MMS22L: variants seen among roughly 807,000 people sequenced by gnomAD.
MMS22L encodes MMS22 like, DNA repair protein, also known as protein MMS22-like.
MMS22L carries 74 observed loss-of-function variants against 159.1 expected under a neutral mutation model. That is an observed-to-expected ratio of 0.47 (90% confidence interval 0.39 to 0.56). The LOEUF is 0.56. Among genes scored for constraint, MMS22L ranks in the 20% least tolerant of loss-of-function variants. The pLI, the probability that MMS22L is intolerant of heterozygous loss-of-function variation, is 0.00. For missense variants in MMS22L, 1,351 were observed against 1,422.1 expected (o/e 0.95, Z 0.80); for synonymous variants, 517 against 506.9 (o/e 1.02, Z -0.27).
rs143539522 is a variant in MMS22L, at chr6:97,167,325, G to C, written c.3009+746C>G. Among the ~76,000 whole-genome samples the C allele has an allele frequency of 8.4e-4, 128 of 152,194 alleles. 1 individual carries two copies. The highest frequency in any genetic ancestry group is 2.8e-3 in the African/African-American group (117 of 41,530). On this transcript the variant is annotated intron_variant, in intron 20 of 24. Coordinates refer to ENST00000683635, the MANE Select transcript of MMS22L (RefSeq NM_001350599.2). Reference sequence around the variant, plus strand: ...TGAGTTCCTCCACAACACTCAATTAGCAAGTACTCTTAATCACAGCTCCCA... The same window carrying C: ...TGAGTTCCTCCACAACACTCAATTACCAAGTACTCTTAATCACAGCTCCCA...
intron 14 of MMS22L, among the ~76,000 whole-genome samples, chr6:97,223,775 G>A (rs1809912544): frequency 6.6e-6 from 1 of 152,118 alleles, no homozygotes; most frequent in Non-Finnish European, 1.5e-5. Context: ...CCTTGGAAAT[G>A]CTAAAAACTG....
rs1582437041 is a variant in MMS22L, at chr6:97,168,309, A to G, written c.2840-69T>C. 4.1e-6 allele frequency: 6 copies of G among 1,463,160 alleles called. No homozygotes were observed. The East Asian group carries it at 1.4e-4, about 34-fold the overall frequency. 90.6% of individuals were successfully genotyped at this position (1,463,160 alleles called of 1,614,324 possible). On this transcript the variant is annotated intron_variant, in intron 19 of 24. Coordinates refer to ENST00000683635, the MANE Select transcript of MMS22L (RefSeq NM_001350599.2). Reference sequence around the variant, plus strand: ...ACCAGAACATTTTGTCACTTAATTTAAAAATTTGTATTGAAAGCACATGGG... The same window carrying G: ...ACCAGAACATTTTGTCACTTAATTTGAAAATTTGTATTGAAAGCACATGGG...
chr6:97,213,811 G>A (rs1208392739), intron 14 of MMS22L, among the ~76,000 whole-genome samples: 1 of 152,026 alleles, frequency 6.6e-6, no homozygotes, highest in East Asian at 1.9e-4. Flanking sequence ...ATACTAACAA[G>A]CATAGAAAAA....
At chr6:97,233,233 G>A (rs968642346) in intron 12 of MMS22L, among the ~76,000 whole-genome samples, 13 of 152,020 alleles carry the variant, frequency 8.6e-5, no homozygotes, top group Non-Finnish European at 1.9e-4. Context: ...AGTTATCCGA[G>A]GCCTATAATT....
intron 14 of MMS22L, among the ~76,000 whole-genome samples, chr6:97,191,489 A>C (rs895345147): frequency 1.7e-4 from 25 of 150,886 alleles, no homozygotes; most frequent in African/African-American, 6.0e-4. Flanking sequence ...ACTTTTCATC[A>C]CATGGAAAAA....
In MMS22L at chr6:97,280,377, A is replaced by G. The variant is rs188548658; in HGVS notation, c.290+860T>C. 3.1e-3 allele frequency among the ~76,000 whole-genome samples: 472 copies of G among 152,172 alleles called. 4 individuals carry two copies. Among genetic ancestry groups the G allele is most frequent in the African/African-American group, 0.011 (454 of 41,516 alleles). ...GAGACAGAGTCTCGCTCTGTCACCC[A>G]GGCTGGAGTACAGTGGGCAATCTCA... On this transcript the variant is annotated intron_variant, in intron 3 of 24. Coordinates refer to ENST00000683635, the MANE Select transcript of MMS22L (RefSeq NM_001350599.2).
Position 97,178,556 on chromosome 6 carries a change from G to A in MMS22L, c.2566C>T (p.Leu856=). 1 of 1,551,122 alleles carries A rather than the reference G, an allele frequency of 6.4e-7. No homozygotes were observed. Among genetic ancestry groups the A allele is most frequent in the Non-Finnish European group, 8.8e-7 (1 of 1,135,238 alleles). Reference sequence around the variant, plus strand: ...GAGAGATTAAATAGTAATCTTGTCAGTTTGACCAACTGTTTCATGTACTCT... The same window carrying A: ...GAGAGATTAAATAGTAATCTTGTCAATTTGACCAACTGTTTCATGTACTCT... ...EKEYMKQLVK[L]TRLLFNLSEV... Residue 856 remains leucine (L), a synonymous_variant, in exon 18 of 25, where the codon CTG becomes TTG. Transcript: ENST00000683635.
chr6:97,211,967 A>G (rs990051124), intron 14 of MMS22L, among the ~76,000 whole-genome samples: 1 of 152,210 alleles, frequency 6.6e-6, no homozygotes, highest in African/African-American at 2.4e-5. Flanking sequence ...GACATAGTGT[A>G]GCTGACTTAC....
intron 14 of MMS22L, among the ~76,000 whole-genome samples, chr6:97,221,397 A>C (rs1809633430): frequency 6.6e-6 from 1 of 152,092 alleles, no homozygotes; most frequent in Admixed American, 6.6e-5. Context: ...AAACACAAAA[A>C]AGTGGAACTC....
chr6:97,263,069 T>G (rs1031032413), intron 9 of MMS22L, among the ~76,000 whole-genome samples: 13 of 152,320 alleles, frequency 8.5e-5, no homozygotes, highest in Non-Finnish European at 1.8e-4. Flanking sequence ...CTGAAAGATT[T>G]CTGATAGAAC....
At chr6:97,157,582 G>C (rs1361374926) in intron 22 of MMS22L, among the ~76,000 whole-genome samples, 1 of 152,080 alleles carries the variant, frequency 6.6e-6, no homozygotes, top group Non-Finnish European at 1.5e-5. Flanking sequence ...ATAATCATGT[G>C]GTTTTTGTCA....
At chr6:97,244,331 T>C (rs1260592725) in intron 11 of MMS22L, among the ~76,000 whole-genome samples, 1 of 152,176 alleles carries the variant, frequency 6.6e-6, no homozygotes, top group Non-Finnish European at 1.5e-5. Flanking sequence ...CCCATGAGTT[T>C]ATGTTTTCTA....
chr6:97,240,823 C>T (rs1811977800), intron 11 of MMS22L, among the ~76,000 whole-genome samples: 1 of 152,100 alleles, frequency 6.6e-6, no homozygotes, highest in African/African-American at 2.4e-5. Flanking sequence ...GACAGAGTTT[C>T]ACCATGTTGG....
chr6:97,250,915 T>A (rs1813170829), intron 10 of MMS22L, among the ~76,000 whole-genome samples: 1 of 152,184 alleles, frequency 6.6e-6, no homozygotes, highest in Non-Finnish European at 1.5e-5. Context: ...AAAGCATGCT[T>A]ACTGCACAAC....
At chr6:97,244,135 C>G (rs965109397) in intron 11 of MMS22L, among the ~76,000 whole-genome samples, 4 of 152,176 alleles carry the variant, frequency 2.6e-5, no homozygotes, top group Non-Finnish European at 5.9e-5. Context: ...GTTGTTTTCT[C>G]CTTCCTTGGT....
chr6:97,246,974 C>T (rs1397451668), intron 10 of MMS22L, among the ~76,000 whole-genome samples: 1 of 105,276 alleles, frequency 9.5e-6, no homozygotes, highest in East Asian at 2.0e-4. Flanking sequence ...CTTTCAGATA[C>T]AAAATCCAAC....
chr6:97,158,024 G>A (rs941728527), intron 22 of MMS22L, among the ~76,000 whole-genome samples: 3 of 151,854 alleles, frequency 2.0e-5, no homozygotes, highest in Non-Finnish European at 2.9e-5. Context: ...TCAGATGTTC[G>A]ACTTCTTCCT....
intron 11 of MMS22L, among the ~76,000 whole-genome samples, chr6:97,245,499 C>G (rs1812522061): frequency 6.6e-6 from 1 of 151,938 alleles, no homozygotes; most frequent in African/African-American, 2.4e-5. Context: ...TAGTAATTCC[C>G]TTCATTCTGA....
chr6:97,160,134 G>T (rs13437197), intron 22 of MMS22L, among the ~76,000 whole-genome samples: 1 of 151,156 alleles, frequency 6.6e-6, no homozygotes, highest in Non-Finnish European at 1.5e-5. Flanking sequence ...AACCAGTTAA[G>T]ATAATAAAGA....
Sources: gnomAD v4.1 joint callset for allele counts (sites outside exome capture counted in the v4.1 genomes callset) on GRCh38, gnomAD v4.1.1 for gene constraint, MANE v1.5 for transcripts, NCBI Gene and HGNC (gene_info 2026-07-23, HGNC 2026-07-21) for gene names.